GPR155: variants seen among roughly 807,000 people sequenced by gnomAD.
GPR155 encodes lysosomal cholesterol signaling protein.
Under a neutral mutation model 93.1 loss-of-function variants are expected in GPR155, and 65 were observed. The ratio of observed to expected loss-of-function variants is 0.70; its 90% confidence interval spans 0.57 to 0.86. The LOEUF (loss-of-function observed/expected upper bound fraction) is 0.86, where lower values mean the gene tolerates loss of function less well. Among genes scored for constraint, GPR155 ranks in the 40% least tolerant of loss-of-function variants. The probability of loss-of-function intolerance (pLI) is 0.00; values close to 1 mark genes in which losing one functional copy is unlikely to be tolerated. For synonymous variants in GPR155, 319 were observed against 360.1 expected (o/e 0.89, Z 1.29); for missense variants, 838 against 1,034.8 (o/e 0.81, Z 2.61).
chr2:174,461,406 T>C lies in GPR155; in HGVS notation c.1556A>G (p.Glu519Gly). The C allele has an allele frequency of 6.2e-7, 1 of 1,606,956 alleles. No homozygotes were observed. The highest frequency in any genetic ancestry group is 8.5e-7 in the Non-Finnish European group (1 of 1,173,600). The part of the protein sequence containing the change: ...SIDSAFFYGK[E>G]QMITTAVTLF... ...CTGCCAGTAAACTCTTCCCACCTGT[T>C]CTTTTCCATAAAAGAAGGCTGAGTC... The change falls in exon 9 of 16, where the codon GAA (glutamate) becomes GGA (glycine). Residue 519 changes from glutamate to glycine, a missense_variant. Coordinates refer to ENST00000392552, the MANE Select transcript of GPR155 (RefSeq NM_152529.7).
At chr2:174,450,237 C>T (rs1687278869) in intron 11 of GPR155, among the ~76,000 whole-genome samples, 1 of 151,936 alleles carries the variant, frequency 6.6e-6, no homozygotes, top group African/African-American at 2.4e-5. Context: ...AAACCAAGTG[C>T]TGCATGTGCT....
intron 6 of GPR155, 134 bp from the exon 7 acceptor site, chr2:174,466,036 T>A (rs1297863091): frequency 1.8e-6 from 1 of 564,112 alleles, no homozygotes; most frequent in African/African-American, 1.9e-5. Context: ...TTGTTTAAAA[T>A]TTTTTGTGAA....
intron 7 of GPR155, among the ~76,000 whole-genome samples, chr2:174,463,117 T>C (rs1259245732): frequency 2.8e-5 from 2 of 70,956 alleles, no homozygotes; most frequent in Non-Finnish European, 4.9e-5. Context: ...AAGTCTTTTT[T>C]TTTTCTTTCT....
Position 174,473,257 on chromosome 2 carries a change from T to C in GPR155, c.568A>G (p.Ile190Val), listed in dbSNP as rs765461116. 1 of 1,613,516 alleles carries C rather than the reference T, an allele frequency of 6.2e-7. No individual in the cohort carries two copies. Among genetic ancestry groups the C allele is most frequent in the African/African-American group, 1.3e-5 (1 of 74,900 alleles). The change falls in exon 3 of 16, where the codon ATC becomes GTC. Residue 190 changes from isoleucine to valine, a missense_variant. Around this residue, in one of 3 missense-constraint regions of GPR155, gnomAD observed 663 missense variants for 790.1 expected, o/e 0.84. Coordinates refer to ENST00000392552, the MANE Select transcript of GPR155 (RefSeq NM_152529.7). ...LNPIGFIFCE[I>V]QKWKDTQNAS... ...TTTTGAGTGTCTTTCCACTTTTGGA[T>C]TTCACAGAAAATAAACCCTATAGGG...
At chr2:174,474,575 G>T (rs1688089672) in intron 2 of GPR155, among the ~76,000 whole-genome samples, 1 of 151,858 alleles carries the variant, frequency 6.6e-6, no homozygotes, top group African/African-American at 2.4e-5. Context: ...GTTCATTGAA[G>T]AACAATGCTA....
At chr2:174,482,563 T>A (rs1688356860) in intron 1 of GPR155, among the ~76,000 whole-genome samples, 1 of 152,256 alleles carries the variant, frequency 6.6e-6, no homozygotes, top group Non-Finnish European at 1.5e-5. Context: ...AACTTTTTTT[T>A]CTAAAGACAG....
Position 174,435,998 on chromosome 2 carries a change from A to T in GPR155, c.*118T>A, listed in dbSNP as rs1686766630. 1 of 732,764 alleles carries T rather than the reference A, an allele frequency of 1.4e-6. No homozygotes were observed. Among genetic ancestry groups the T allele is most frequent in the African/African-American group, 1.8e-5 (1 of 56,398 alleles). The allele number at this position is 732,764 out of a possible 1,614,324, so 45.4% of individuals were successfully genotyped here. ...GAGCACATCTTTTCACATTTTACAG[A>T]AGAGACAACTGAGGCTCAGAGAGGT... On this transcript the variant is annotated 3_prime_UTR_variant, in exon 16 of 16. Coordinates refer to ENST00000392552, the MANE Select transcript of GPR155 (RefSeq NM_152529.7).
chr2:174,461,548 A>G (rs1003613319), intron 8 of GPR155, 40 bp downstream of exon 8: 10 of 1,551,118 alleles, frequency 6.4e-6, no homozygotes, highest in Non-Finnish European at 8.9e-6. Context: ...GTAACTGTCT[A>G]TATGGAAAGG....
intron 6 of GPR155, 148 bp downstream of exon 6, chr2:174,466,395 GT>G: frequency 1.8e-6 from 1 of 565,100 alleles, no homozygotes; most frequent in South Asian, 2.2e-5. Context: ...TATGTTAGGC[GT>G]ATAGTAGTTG....
intron 3 of GPR155, among the ~76,000 whole-genome samples, chr2:174,471,718 G>A (rs1688004064): frequency 6.6e-6 from 1 of 152,064 alleles, no homozygotes; most frequent in Non-Finnish European, 1.5e-5. Context: ...ACTCTGATCT[G>A]TACTTTTTAA....
In GPR155 at chr2:174,473,074, A is replaced by T; in HGVS notation, c.751T>A (p.Ser251Thr). The T allele has an allele frequency of 6.2e-7, 1 of 1,600,564 alleles. No homozygotes were observed. Among genetic ancestry groups the T allele is most frequent in the East Asian group, 2.2e-5 (1 of 44,802 alleles). ...VENFLDGLGNSFSGSALFYLG... is the reference protein window; with the variant it reads ...VENFLDGLGNTFSGSALFYLG... ...TAAAATAGGGCTGATCCAGAAAAAG[A>T]ATTTCCAAGTCCATCAAGAAAATTT... The change falls in exon 3 of 16, where the codon TCT becomes ACT. Residue 251 changes from serine (S) to threonine (T), a missense_variant. Around this residue, in one of 3 missense-constraint regions of GPR155, gnomAD observed 663 missense variants for 790.1 expected, o/e 0.84. Transcript: ENST00000392552.
At chr2:174,447,440 CATAT>C (rs1687169667) in intron 11 of GPR155, among the ~76,000 whole-genome samples, 1 of 143,816 alleles carries the variant, frequency 7.0e-6, no homozygotes, top group African/African-American at 2.5e-5. Context: ...ATACACATTA[CATAT>C]ATAATTATAT....
rs552935833 is a variant in GPR155, at chr2:174,447,334, AT to A, written c.1877-588del. Among the ~76,000 whole-genome samples the A allele has an allele frequency of 3.8e-3, 565 of 147,936 alleles. 2 individuals are homozygous for A. In the Middle Eastern group the frequency reaches 0.043, roughly 11 times the overall value. Reference sequence around the variant, plus strand: ...TCTGTCTCAAAAAAAATTAAAAAAAATAATAAAAAATTATATATAATTTTTA... The same window carrying A: ...TCTGTCTCAAAAAAAATTAAAAAAAAAATAAAAAATTATATATAATTTTTA... On this transcript the variant is annotated intron_variant, in intron 11 of 15. Transcript: ENST00000392552.
rs140238833 is a variant in GPR155, at chr2:174,481,939, A to G, written c.18T>C (p.Pro6=). Residue 6 remains proline (P), a synonymous_variant, in exon 2 of 16, where the codon CCT becomes CCC. Transcript: ENST00000392552. The part of the protein sequence containing the change: MNSNL[P]AENLTIAVNM... ...TGACTGCAATGGTTAAGTTCTCTGC[A>G]GGTAAATTAGAATTCATTTTCTCTC... is the stretch of plus-strand genomic sequence containing the variant. 1,469 of 1,608,570 alleles carry G rather than the reference A, an allele frequency of 9.1e-4. 4 individuals carry two copies. Among genetic ancestry groups the G allele is most frequent in the Non-Finnish European group, 1.1e-3 (1,264 of 1,175,822 alleles).
chr2:174,437,729 C>T (rs942751281), intron 15 of GPR155, among the ~76,000 whole-genome samples: 10 of 151,858 alleles, frequency 6.6e-5, no homozygotes, highest in Admixed American at 5.9e-4. Flanking sequence ...GGATTACAGG[C>T]ATGCGCCACC....
intron 10 of GPR155, 134 bp downstream of exon 10, chr2:174,459,744 C>G (rs1451103536): frequency 1.6e-6 from 1 of 621,150 alleles, no homozygotes; most frequent in East Asian, 2.8e-5. Context: ...ACTCTGGAGG[C>G]TCAGGTGGCA....
chr2:174,439,161 A>T (rs567765568), intron 15 of GPR155, among the ~76,000 whole-genome samples: 1 of 152,126 alleles, frequency 6.6e-6, no homozygotes. Context: ...GTGGCATAAT[A>T]TATGTAAATA....
intron 10 of GPR155, among the ~76,000 whole-genome samples, chr2:174,455,815 C>T (rs1687499932): frequency 6.6e-6 from 1 of 152,178 alleles, no homozygotes; most frequent in South Asian, 2.1e-4. Context: ...CAAGTGCTGT[C>T]CACGTATTCA....
At chr2:174,470,606 C>T (rs1360167849) in intron 3 of GPR155, 51 bp from the exon 4 acceptor site, 1 of 1,547,948 alleles carries the variant, frequency 6.5e-7, no homozygotes, top group South Asian at 1.1e-5. Context: ...CATGGTTGTC[C>T]CCAGTAGCAG....
Sources: gnomAD v4.1 joint callset for allele counts (sites outside exome capture counted in the v4.1 genomes callset) on GRCh38, gnomAD v4.1.1 for gene constraint, gnomAD v4.1.1 regional missense constraint, MANE v1.5 for transcripts, NCBI Gene and HGNC (gene_info 2026-07-23, HGNC 2026-07-21) for gene names.